PRDM16: variants seen among roughly 807,000 people sequenced by gnomAD.
PRDM16 encodes PR/SET domain 16.
A neutral mutation model predicts 110.6 loss-of-function variants in PRDM16; 23 were observed. That is an observed-to-expected ratio of 0.21 (90% confidence interval 0.15 to 0.29). The LOEUF (loss-of-function observed/expected upper bound fraction) is 0.29, where lower values mean the gene tolerates loss of function less well. Among genes scored for constraint, PRDM16 ranks in the 10% least tolerant of loss-of-function variants. The pLI is 1.00. For synonymous variants in PRDM16, 799 were observed against 781.8 expected (o/e 1.02, Z -0.37); for missense variants, 1,615 against 1,794.3 (o/e 0.90, Z 1.81).
chr1:3,232,424 G>A (rs1468138639), intron 2 of PRDM16, among the ~76,000 whole-genome samples: 1 of 152,192 alleles, frequency 6.6e-6, no homozygotes, highest in Non-Finnish European at 1.5e-5. Context: ...ATGATGCAGT[G>A]ACACCTTTGG....
rs1459075473 is a variant in PRDM16 at position 3,221,509 on chromosome 1, T to C, written c.388-22578T>C. Reference sequence around the variant, plus strand: ...CTGCACCGACTCTCTAAGCACTGCATGTTCTTTAGTCAAAATAAAGCATTG... The same window carrying C: ...CTGCACCGACTCTCTAAGCACTGCACGTTCTTTAGTCAAAATAAAGCATTG... On this transcript the variant is annotated intron_variant, in intron 2 of 16. Coordinates refer to ENST00000270722, the MANE Select transcript of PRDM16 (RefSeq NM_022114.4). Among the ~76,000 whole-genome samples, 3 of 152,250 alleles carry C rather than the reference T, an allele frequency of 2.0e-5. No homozygotes were observed. In the East Asian group the frequency reaches 5.8e-4, roughly 29 times the overall value.
At chr1:3,393,568 C>CCGG (rs1486459363) in intron 4 of PRDM16, among the ~76,000 whole-genome samples, 1 of 152,314 alleles carries the variant, frequency 6.6e-6, no homozygotes, top group Admixed American at 6.5e-5. Context: ...GAGCCAGGAG[C>CCGG]CGGCGCAGGC....
rs374833561 is a variant in PRDM16, at chr1:3,331,128, C to G, written c.439-54024C>G. On this transcript the variant is annotated intron_variant, in intron 3 of 16. Transcript: ENST00000270722. The stretch of plus-strand genomic sequence containing the variant: ...CTCAGCCCTGCAAGCTGCTCCTGCC[C>G]TTCGGCCTGGGAGGGGGCCTTCCTC... Among the ~76,000 whole-genome samples, 124 of 152,368 alleles carry G rather than the reference C, an allele frequency of 8.1e-4. 1 individual carries two copies. Among genetic ancestry groups the G allele is most frequent in the African/African-American group, 2.6e-3 (108 of 41,600 alleles).
intron 3 of PRDM16, among the ~76,000 whole-genome samples, chr1:3,384,006 T>G (rs1018396776): frequency 6.8e-6 from 1 of 146,268 alleles, no homozygotes; most frequent in East Asian, 2.0e-4. Context: ...GGAACACACC[T>G]GCCCACCCAG....
intron 1 of PRDM16, among the ~76,000 whole-genome samples, chr1:3,116,859 C>T (rs932671392): frequency 3.3e-5 from 5 of 152,240 alleles, no homozygotes; most frequent in African/African-American, 1.2e-4. Context: ...CAGTCAGGCC[C>T]TCCACAAACC....
In PRDM16 at chr1:3,201,374, G is replaced by T. The variant is rs147673254; in HGVS notation, c.387+14900G>T. On this transcript the variant is annotated intron_variant, in intron 2 of 16. Coordinates refer to ENST00000270722, the MANE Select transcript of PRDM16 (RefSeq NM_022114.4). This position sits in a 1 kb window ranked among gnomAD's most constrained non-coding sequence, Gnocchi z 4.1. ...GCAGCCTCGGCGCTCAGAGGCGGGT[G>T]TCCAGTCCCCAGAGAGGTGGCCTTC... Among the ~76,000 whole-genome samples the T allele has an allele frequency of 6.6e-6, 1 of 152,154 alleles. No individual in the cohort carries two copies. Among genetic ancestry groups the T allele is most frequent in the African/African-American group, 2.4e-5 (1 of 41,436 alleles).
At chr1:3,368,041 T>C (rs1363997869) in intron 3 of PRDM16, among the ~76,000 whole-genome samples, 1 of 152,194 alleles carries the variant, frequency 6.6e-6, no homozygotes, top group Non-Finnish European at 1.5e-5. Flanking sequence ...ATTCTGTACC[T>C]GACATGCCAG....
At chr1:3,423,077 G>T (rs1417254289) in intron 12 of PRDM16, among the ~76,000 whole-genome samples, 2 of 152,254 alleles carry the variant, frequency 1.3e-5, no homozygotes, top group Non-Finnish European at 2.9e-5. Flanking sequence ...AGGTTGGAAG[G>T]TTCAGGAATT....
chr1:3,093,723 C>T (rs909588314), intron 1 of PRDM16, among the ~76,000 whole-genome samples: 15 of 152,232 alleles, frequency 9.9e-5, no homozygotes, highest in African/African-American at 2.2e-4. Context: ...ACCCCTGCAG[C>T]GGAGAGTGGA....
chr1:3,427,061 CGT>C (rs963713832), intron 14 of PRDM16, among the ~76,000 whole-genome samples: 5 of 152,364 alleles, frequency 3.3e-5, no homozygotes, highest in Middle Eastern at 3.4e-3. Context: ...GACGGACAGC[CGT>C]GTGCGTACAC....
At chr1:3,212,639 C>G (rs181761191) in intron 2 of PRDM16, among the ~76,000 whole-genome samples, 1 of 148,542 alleles carries the variant, frequency 6.7e-6, no homozygotes, top group Non-Finnish European at 1.5e-5. Context: ...CTCATCCTCC[C>G]GGCCCCCTCG....
At position 3,412,020 on chromosome 1, in the gene PRDM16, A is replaced by C. The variant is rs1394308404; in HGVS notation, c.1823A>C (p.Asn608Thr). The C allele has an allele frequency of 6.2e-7, 1 of 1,613,548 alleles. No homozygotes were observed. Among genetic ancestry groups the C allele is most frequent in the South Asian group, 1.1e-5 (1 of 91,072 alleles). ...GACGGCAGTGACTTTGAGGACGTCA[A>C]CACCACCACGGGGACCGACCTGGAC... ...MSDGSDFEDV[N>T]TTTGTDLDTT... The change falls in exon 9 of 17, where the codon AAC (asparagine) becomes ACC (threonine). Residue 608 changes from asparagine (N) to threonine (T), a missense_variant. Asn to Thr is a moderately conservative substitution (Grantham distance 65). This residue lies in a region of PRDM16 where 772 missense variants were observed against 748.3 expected (regional missense o/e 1.03). Coordinates refer to ENST00000270722, the MANE Select transcript of PRDM16 (RefSeq NM_022114.4).
At chr1:3,293,789 G>T (rs955779445) in intron 3 of PRDM16, among the ~76,000 whole-genome samples, 14 of 152,342 alleles carry the variant, frequency 9.2e-5, no homozygotes, top group Admixed American at 3.9e-4. Context: ...CGGCAGCAAT[G>T]TTGTTCCATC....
rs1172169035 is a variant in PRDM16, at chr1:3,209,801, C to T, written c.387+23327C>T. 1.3e-5 allele frequency among the ~76,000 whole-genome samples: 2 copies of T among 152,154 alleles called. No homozygotes were observed. The highest frequency in any genetic ancestry group is 2.4e-5 in the African/African-American group (1 of 41,424). ...GCACGACAGCCAGGACTTGGTCCAG[C>T]GTTTTCCAAACTGGCAGAACCCGGG... is the stretch of plus-strand genomic sequence containing the variant. On this transcript the variant is annotated intron_variant, in intron 2 of 16. Coordinates refer to ENST00000270722, the MANE Select transcript of PRDM16 (RefSeq NM_022114.4). The surrounding 1 kb of genome is among the most constrained non-coding windows in gnomAD (Gnocchi z 4.6).
chr1:3,285,110 C>G (rs1640816622), intron 3 of PRDM16, among the ~76,000 whole-genome samples: 1 of 152,184 alleles, frequency 6.6e-6, no homozygotes, highest in African/African-American at 2.4e-5. Context: ...TGGGCCAGCC[C>G]CCAGCATTTC....
At chr1:3,380,631 GA>G (rs1643086111) in intron 3 of PRDM16, among the ~76,000 whole-genome samples, 1 of 152,198 alleles carries the variant, frequency 6.6e-6, no homozygotes, top group South Asian at 2.1e-4. Context: ...ATGTGGGTGA[GA>G]AACCAGCCGT....
At chr1:3,181,204 A>ACG (rs1644164818) in intron 1 of PRDM16, among the ~76,000 whole-genome samples, 2 of 128,928 alleles carry the variant, frequency 1.6e-5, no homozygotes, top group African/African-American at 6.3e-5. Flanking sequence ...GGTCTTACAC[A>ACG]CGGTCTTACA....
At chr1:3,389,388 G>T (rs541564513) in intron 4 of PRDM16, among the ~76,000 whole-genome samples, 2 of 152,180 alleles carry the variant, frequency 1.3e-5, no homozygotes, top group Non-Finnish European at 2.9e-5. Context: ...CATGGGAATC[G>T]GACCGTCCTC....
At chr1:3,153,047 G>C (rs1643804157) in intron 1 of PRDM16, among the ~76,000 whole-genome samples, 1 of 152,238 alleles carries the variant, frequency 6.6e-6, no homozygotes, top group African/African-American at 2.4e-5. Flanking sequence ...TGGGGCCGGG[G>C]CCAGCCAGGC....
Sources: gnomAD v4.1 joint callset for allele counts (sites outside exome capture counted in the v4.1 genomes callset) on GRCh38, gnomAD v4.1.1 for gene constraint, gnomAD v4.1.1 regional missense constraint, Gnocchi (gnomAD v3.1) non-coding constraint, MANE v1.5 for transcripts, NCBI Gene and HGNC (gene_info 2026-07-23, HGNC 2026-07-21) for gene names.